The following SPAG16 variants were observed in gnomAD, a reference collection of about 807,000 sequenced individuals.
SPAG16 encodes sperm-associated antigen 16 protein.
A neutral mutation model predicts 80.4 loss-of-function variants in SPAG16; 86 were observed. The ratio of observed to expected loss-of-function variants is 1.07; its 90% confidence interval spans 0.90 to 1.28. The LOEUF (loss-of-function observed/expected upper bound fraction) is 1.28, where lower values mean the gene tolerates loss of function less well. Among genes scored for constraint, SPAG16 ranks in the 50% most tolerant of loss-of-function variants. SPAG16 has a pLI of 0.00. For missense variants in SPAG16, 870 were observed against 765.3 expected, an observed-to-expected ratio of 1.14 and a Z score of -1.61; for synonymous variants, 294 against 265.9, an observed-to-expected ratio of 1.11 and a Z score of -1.03.
intron 9 of SPAG16, 147 bp from the exon 10 acceptor site, chr2:213,489,816 T>G (rs1202697687): frequency 3.5e-6 from 2 of 564,078 alleles, no homozygotes. Flanking sequence ...AAATATTTTC[T>G]CAAAACTAAA....
chr2:214,330,835 G>T (rs906908166), intron 15 of SPAG16, among the ~76,000 whole-genome samples: 3 of 152,158 alleles, frequency 2.0e-5, no homozygotes, highest in Non-Finnish European at 4.4e-5. Flanking sequence ...ATCAAGTGGG[G>T]TATCACAGCA....
intron 13 of SPAG16, among the ~76,000 whole-genome samples, chr2:214,032,132 A>G (rs562011845): frequency 6.6e-6 from 1 of 152,130 alleles, no homozygotes; most frequent in South Asian, 2.1e-4. Context: ...TCACCTCCCA[A>G]ATAAATGAAC....
intron 14 of SPAG16, among the ~76,000 whole-genome samples, chr2:214,126,081 T>C (rs918758337): frequency 1.5e-5 from 2 of 136,808 alleles, no homozygotes; most frequent in South Asian, 4.8e-4. Flanking sequence ...TTTTTTTTTT[T>C]TGGCGTTTCT....
intron 10 of SPAG16, among the ~76,000 whole-genome samples, chr2:213,656,186 GT>G (rs1460307987): frequency 6.6e-6 from 1 of 152,184 alleles, no homozygotes; most frequent in African/African-American, 2.4e-5. Context: ...AGTATTAATT[GT>G]TTTGATGTGT....
chr2:213,519,606 A>G (rs1373414215), intron 10 of SPAG16, among the ~76,000 whole-genome samples: 5 of 152,204 alleles, frequency 3.3e-5, no homozygotes, highest in African/African-American at 4.8e-5. Flanking sequence ...TGTCTTTTGT[A>G]AATTGCCAGT....
chr2:213,844,675 G>C (rs774824683), intron 10 of SPAG16, among the ~76,000 whole-genome samples: 18 of 152,166 alleles, frequency 1.2e-4, no homozygotes, highest in Non-Finnish European at 1.2e-4. Context: ...TTAATAAGGT[G>C]TAGGGTCTAA....
chr2:213,992,809 A>G (rs889239817), intron 12 of SPAG16, among the ~76,000 whole-genome samples: 32 of 152,222 alleles, frequency 2.1e-4, no homozygotes, highest in African/African-American at 7.2e-4. Flanking sequence ...CATACAGATG[A>G]TAAAACAAAG....
At chr2:213,527,089 T>G (rs1299028653) in intron 10 of SPAG16, among the ~76,000 whole-genome samples, 1 of 152,230 alleles carries the variant, frequency 6.6e-6, no homozygotes, top group Non-Finnish European at 1.5e-5. Flanking sequence ...AAGCTATCTC[T>G]GCCATGGATC....
intron 8 of SPAG16, among the ~76,000 whole-genome samples, chr2:213,373,471 TATTTTCC>T (rs2125193298): frequency 6.6e-6 from 1 of 152,302 alleles, no homozygotes; most frequent in African/African-American, 2.4e-5. Flanking sequence ...TTAAAGTGTG[TATTTTCC>T]ATTTTGTTTG....
intron 13 of SPAG16, among the ~76,000 whole-genome samples, chr2:214,095,235 C>T (rs2052506114): frequency 6.6e-6 from 1 of 152,040 alleles, no homozygotes; most frequent in South Asian, 2.1e-4. Context: ...TTGTGTGTTT[C>T]TCTGGCCGGT....
At chr2:213,412,304 C>T (rs867784535) in intron 9 of SPAG16, among the ~76,000 whole-genome samples, 1 of 152,174 alleles carries the variant, frequency 6.6e-6, no homozygotes, top group Non-Finnish European at 1.5e-5. Flanking sequence ...AGGGGAACAA[C>T]ACAGCAGCAG....
chr2:213,450,975 G>T (rs879405946), intron 9 of SPAG16, among the ~76,000 whole-genome samples: 84 of 152,178 alleles, frequency 5.5e-4, no homozygotes, highest in African/African-American at 1.9e-3. Context: ...AAGCAAAATT[G>T]ATCTGACATA....
chr2:213,500,471 C>G (rs542982911), intron 10 of SPAG16, among the ~76,000 whole-genome samples: 1 of 152,116 alleles, frequency 6.6e-6, no homozygotes, highest in Admixed American at 6.5e-5. Flanking sequence ...GGTCTTGAAT[C>G]GAGAAAAACC....
chr2:213,415,321 G>C (rs1282147520), intron 9 of SPAG16, among the ~76,000 whole-genome samples: 1 of 152,226 alleles, frequency 6.6e-6, no homozygotes, highest in African/African-American at 2.4e-5. Flanking sequence ...TTCCTTTGAA[G>C]CCATGCTTAG....
At chr2:214,264,091 G>A (rs1691372325) in intron 15 of SPAG16, among the ~76,000 whole-genome samples, 1 of 152,042 alleles carries the variant, frequency 6.6e-6, no homozygotes, top group African/African-American at 2.4e-5. Flanking sequence ...TGGCTGTCTG[G>A]ACTGTTGAAA....
At chr2:214,091,372 C>T (rs1475071031) in intron 13 of SPAG16, among the ~76,000 whole-genome samples, 1 of 152,072 alleles carries the variant, frequency 6.6e-6, no homozygotes, top group Admixed American at 6.6e-5. Context: ...CTGGGAAAGT[C>T]ACACAGCTGG....
At chr2:214,281,050 T>C in intron 15 of SPAG16, 1 of 390,600 alleles carries the variant, frequency 2.6e-6, no homozygotes, top group Non-Finnish European at 5.0e-6. Flanking sequence ...AGAAACTTTA[T>C]TGCCAGTAGT....
At chr2:214,115,316 T>TA (rs1204291976) in intron 14 of SPAG16, among the ~76,000 whole-genome samples, 1 of 152,310 alleles carries the variant, frequency 6.6e-6, no homozygotes, top group South Asian at 2.1e-4. Context: ...AAGTTGTATT[T>TA]AAAAAATCCA....
chr2:213,417,848 A>G (rs2069349854), intron 9 of SPAG16, among the ~76,000 whole-genome samples: 1 of 151,514 alleles, frequency 6.6e-6, no homozygotes, highest in Admixed American at 6.6e-5. Context: ...ATAAACAAAG[A>G]TCAAATTTAG....
Sources: allele counts gnomAD v4.1 joint callset (sites outside exome capture counted in the v4.1 genomes callset), GRCh38; gene constraint gnomAD v4.1.1; transcripts MANE v1.5; gene names NCBI Gene and HGNC (gene_info 2026-07-23, HGNC 2026-07-21).